UMOD: variants seen among roughly 807,000 people sequenced by gnomAD.
UMOD encodes the protein Tamm-Horsfall urinary glycoprotein.
UMOD carries 64 observed loss-of-function variants against 66.0 expected under a neutral mutation model. The ratio of observed to expected loss-of-function variants is 0.97; its 90% CI spans 0.79 to 1.19. The LOEUF (loss-of-function observed/expected upper bound fraction) is 1.19. Among genes scored for constraint, UMOD ranks in the 50% most tolerant of loss-of-function variants. UMOD has a pLI of 0.00. For missense variants in UMOD, 764 were observed against 850.9 expected, an observed-to-expected ratio of 0.90 and a Z score of 1.27; for synonymous variants, 398 against 352.7, an observed-to-expected ratio of 1.13 and a Z score of -1.44.
At chr16:20,344,475 T>C (rs555203296) in intron 5 of UMOD, among the ~76,000 whole-genome samples, 4 of 151,744 alleles carry the variant, frequency 2.6e-5, no homozygotes, top group Non-Finnish European at 5.9e-5. Flanking sequence ...TGGTGGTGGG[T>C]GCCTGTAATC....
chr16:20,347,377 G>A (rs1965647893), intron 4 of UMOD, among the ~76,000 whole-genome samples: 1 of 152,160 alleles, frequency 6.6e-6, no homozygotes, highest in Non-Finnish European at 1.5e-5. Context: ...TTTGGGGCAG[G>A]AAACAACATC....
chr16:20,341,126 G>A lies in UMOD; in HGVS notation c.1542C>T (p.Ala514=), dbSNP rs1479235811. The change falls in exon 7 of 11, where the codon GCC becomes GCT. Residue 514 remains alanine, a synonymous_variant. Transcript: ENST00000396138. ...TNCYATPSSN[A]TDPLKYFIIQ... Reference sequence around the variant, plus strand: ...TGATGAAGTACTTCAGGGGGTCCGTGGCATTGCTACTGGGTGTGGCATAGC... The same window carrying A: ...TGATGAAGTACTTCAGGGGGTCCGTAGCATTGCTACTGGGTGTGGCATAGC... 8 of 1,614,010 alleles carry A rather than the reference G, an allele frequency of 5.0e-6. No homozygotes were observed. Among genetic ancestry groups the A allele is most frequent in the Non-Finnish European group, 6.8e-6 (8 of 1,180,042 alleles).
At chr16:20,349,691 GC>G (rs1965795502) in intron 2 of UMOD, 23 of 1,481,770 alleles carry the variant, frequency 1.6e-5, no homozygotes, top group Admixed American at 5.2e-5. Flanking sequence ...GAAAAGTAAT[GC>G]GCAGAATTCC....
rs753187242 is a variant in UMOD, at chr16:20,349,092, G to A, written c.209C>T (p.Ala70Val). Residue 70 changes from alanine (A) to valine (V), a missense_variant, in exon 3 of 11, where the codon GCC (alanine) becomes GTC (valine). Ala to Val is a moderately conservative substitution (Grantham distance 64). Coordinates refer to ENST00000396138, the MANE Select transcript of UMOD (RefSeq NM_003361.4). The stretch of plus-strand genomic sequence containing the variant: ...GGAGCAGTTGTGAGCTCCAGGAATG[G>A]CGCACTCATCCAGGTCCACGCAGGT... ...GLTCVDLDECAIPGAHNCSAN... is the reference protein window; with the variant it reads ...GLTCVDLDECVIPGAHNCSAN... 1 of 1,613,388 alleles carries A rather than the reference G, an allele frequency of 6.2e-7. No homozygotes were observed. The highest frequency in any genetic ancestry group is 1.1e-5 in the South Asian group (1 of 90,898).
rs200414962 is a variant in UMOD at position 20,346,155 on chromosome 16, G to C, written c.1153C>G (p.Arg385Gly). The C allele has an allele frequency of 9.9e-6, 16 of 1,614,072 alleles. No individual in the cohort carries two copies. The highest frequency in any genetic ancestry group is 1.4e-5 in the Non-Finnish European group (16 of 1,180,026). ...AACACTGTCCCACAGGGGCCATCCC[G>C]GGCTGGGGTCACTACAGACACCCAG... ...RDWVSVVTPA[R>G]DGPCGTVLTR... Residue 385 changes from arginine (R) to glycine (G), a missense_variant, in exon 5 of 11, where the codon CGG becomes GGG. Arg to Gly is a moderately radical substitution (Grantham distance 125). Transcript: ENST00000396138.
Position 20,348,292 on chromosome 16 carries a change from T to C in UMOD, c.904A>G (p.Ile302Val), listed in dbSNP as rs1209416732. The change falls in exon 4 of 11, where the codon ATA becomes GTA. Residue 302 changes from isoleucine (I) to valine (V), a missense_variant. Transcript: ENST00000396138. The part of the protein sequence containing the change: ...SVEGTCEECS[I>V]DEDCKSNNGR... ...TTATTCGATTTGCAGTCCTCGTCTA[T>C]ACTGCACTCCTCACACGTCCCCTCC... 2 of 1,614,134 alleles carry C rather than the reference T, an allele frequency of 1.2e-6. No individual in the cohort carries two copies. Among genetic ancestry groups the C allele is most frequent in the Non-Finnish European group, 1.7e-6 (2 of 1,180,056 alleles).
rs111483946 is a variant in UMOD, at chr16:20,349,233, C to T, written c.89-21G>A. 1,089 of 1,610,490 alleles carry T rather than the reference C, an allele frequency of 6.8e-4. 4 individuals are homozygous for T. The African/African-American group carries it at 0.013, about 19-fold the overall frequency. ...CCATCCTGTGGACAGAAAAGCCCAG[C>T]TTCAGGGTTTGGGCAGCTGGGCCCA... On this transcript the variant is annotated intron_variant, in intron 2 of 10. Transcript: ENST00000396138.
chr16:20,344,114 A>C lies in UMOD; in HGVS notation c.1241T>G (p.Ile414Ser). The C allele has an allele frequency of 6.9e-7, 1 of 1,441,678 alleles. No individual in the cohort carries two copies. The highest frequency in any genetic ancestry group is 9.3e-7 in the Non-Finnish European group (1 of 1,071,016). The allele number at this position is 1,441,678 out of a possible 1,614,324, so 89.3% of individuals were successfully genotyped here. Residue 414 changes from isoleucine (I) to serine (S), a missense_variant, in exon 6 of 11, where the codon ATC becomes AGC. By Grantham distance (142) the Ile-to-Ser change is moderately radical. Coordinates refer to ENST00000396138, the MANE Select transcript of UMOD (RefSeq NM_003361.4). ...NTLYLADEII[I>S]RDLNIKINFA... is the part of the protein sequence containing the mutation. ...GTTGATTTTGATGTTGAGGTCACGG[A>C]TGATGATCTCATCTGCCAGGTAGAG...
intron 6 of UMOD, 152 bp from the exon 7 acceptor site, chr16:20,341,488 A>T: frequency 1.4e-6 from 2 of 1,422,184 alleles, no homozygotes; most frequent in Non-Finnish European, 1.9e-6. Flanking sequence ...TGCTTTGCAA[A>T]CCGCAATAAG....
rs373609971 is a variant in UMOD at position 20,346,185 on chromosome 16, G to A, written c.1123C>T (p.Arg375Trp). The change falls in exon 5 of 11, where the codon CGG becomes TGG. Residue 375 changes from arginine (R) to tryptophan (W), a missense_variant. By Grantham distance (101) the Arg-to-Trp change is moderately radical. Transcript: ENST00000396138. Reference sequence around the variant, plus strand: ...GGGGTCACTACAGACACCCAGTCCCGGTTGTCTCTGTCATTGAAGCCCGAG... The same window carrying A: ...GGGGTCACTACAGACACCCAGTCCCAGTTGTCTCTGTCATTGAAGCCCGAG... Reference protein sequence around the residue: ...RCSGFNDRDNRDWVSVVTPAR... With the variant: ...RCSGFNDRDNWDWVSVVTPAR... 59 of 1,614,094 alleles carry A rather than the reference G, an allele frequency of 3.7e-5. No homozygotes were observed. The highest frequency in any genetic ancestry group is 1.6e-4 in the Middle Eastern group (1 of 6,078).
At chr16:20,337,231 T>C in intron 8 of UMOD, 60 bp downstream of exon 8, 3 of 1,598,080 alleles carry the variant, frequency 1.9e-6, no homozygotes, top group Non-Finnish European at 2.6e-6. Context: ...TGATTTGTTT[T>C]CTTTGTGGCC....
At chr16:20,347,414 A>T (rs1454799995) in intron 4 of UMOD, among the ~76,000 whole-genome samples, 1 of 152,228 alleles carries the variant, frequency 6.6e-6, no homozygotes, top group Non-Finnish European at 1.5e-5. Context: ...TTAATTTTTT[A>T]AAAATTGAAG....
chr16:20,353,686 A>C (rs1217229097), upstream of UMOD, among the ~76,000 whole-genome samples: 1 of 152,220 alleles, frequency 6.6e-6, no homozygotes, highest in African/African-American at 2.4e-5. Context: ...AGTGGCTGTC[A>C]TCATGTTGAG....
chr16:20,346,883 GAGAAAGAA>G (rs147502738), intron 4 of UMOD, among the ~76,000 whole-genome samples: 64,120 of 151,136 alleles, frequency 0.42, 16,099 homozygotes, highest in African/African-American at 0.71. Flanking sequence ...AAAAGAAAGA[GAGAAAGAA>G]AGAAAGAAAG....
intron 1 of UMOD, chr16:20,352,447 T>C: frequency 2.7e-6 from 1 of 373,336 alleles, no homozygotes; most frequent in Non-Finnish European, 4.7e-6. Context: ...ACCTGGCACA[T>C]AATAGGTGCA....
chr16:20,348,194 A>T (rs376121668), intron 4 of UMOD, 29 bp downstream of exon 4: 1 of 1,605,412 alleles, frequency 6.2e-7, no homozygotes, highest in African/African-American at 1.3e-5. Context: ...AGGTTTCTCA[A>T]CAACCCGCTT....
At chr16:20,333,577 C>T (rs1157024621) in intron 10 of UMOD, among the ~76,000 whole-genome samples, 1 of 152,210 alleles carries the variant, frequency 6.6e-6, no homozygotes, top group Non-Finnish European at 1.5e-5. Context: ...CGGCACTAGG[C>T]TTGGTACCTC....
chr16:20,336,852 C>T, intron 8 of UMOD, 125 bp from the exon 9 acceptor site: 1 of 813,584 alleles, frequency 1.2e-6, no homozygotes, highest in Admixed American at 2.0e-5. Flanking sequence ...TGTTAGGAGA[C>T]CTGTATACCG....
chr16:20,343,312 CT>C (rs1377617849), intron 6 of UMOD, among the ~76,000 whole-genome samples: 2 of 152,126 alleles, frequency 1.3e-5, no homozygotes, highest in Non-Finnish European at 2.9e-5. Context: ...TAGTTTACCC[CT>C]GTAGGCACTC....
Sources: allele counts gnomAD v4.1 joint callset (sites outside exome capture counted in the v4.1 genomes callset), GRCh38; gene constraint gnomAD v4.1.1; transcripts MANE v1.5; gene names NCBI Gene and HGNC (gene_info 2026-07-23, HGNC 2026-07-21).